Variants in ROBO2 observed in about 807,000 individuals in gnomAD.
ROBO2 encodes roundabout homolog 2.
ROBO2 carries 53 observed loss-of-function variants against 160.8 expected under a neutral mutation model. That is an observed-to-expected ratio of 0.33 (90% CI 0.26 to 0.41). The LOEUF (loss-of-function observed/expected upper bound fraction) is 0.41, where lower values mean the gene tolerates loss of function less well. Among genes scored for constraint, ROBO2 ranks in the 10% least tolerant of loss-of-function variants. The probability of loss-of-function intolerance (pLI) is 1.00; values close to 1 mark genes in which losing one functional copy is unlikely to be tolerated. For missense variants in ROBO2, 1,577 were observed against 1,722.4 expected (o/e 0.92, Z 1.49); for synonymous variants, 664 against 611.7 (o/e 1.09, Z -1.26).
At chr3:77,018,506 A>C (rs2062425180) in intron 2 of ROBO2, among the ~76,000 whole-genome samples, 1 of 152,178 alleles carries the variant, frequency 6.6e-6, no homozygotes, top group Non-Finnish European at 1.5e-5. Context: ...TTTTCACTAC[A>C]AGGCTATATC....
intron 19 of ROBO2, among the ~76,000 whole-genome samples, chr3:77,597,774 AT>A (rs1238350863): frequency 6.6e-6 from 1 of 152,222 alleles, no homozygotes; most frequent in Non-Finnish European, 1.5e-5. Context: ...TAAAAGAGAC[AT>A]TGACCTACTT....
chr3:75,928,027 C>T (rs903579159), intron 1 of ROBO2, among the ~76,000 whole-genome samples: 1 of 140,532 alleles, frequency 7.1e-6, no homozygotes, highest in African/African-American at 2.7e-5. Context: ...CTCTGCCCCC[C>T]AGGCTGGAGT....
chr3:76,071,036 CA>C (rs1485591419), intron 2 of ROBO2, among the ~76,000 whole-genome samples: 1 of 152,032 alleles, frequency 6.6e-6, no homozygotes, highest in Non-Finnish European at 1.5e-5. Flanking sequence ...TAATTTCTAC[CA>C]TCGTGAAAAT....
At chr3:76,785,578 T>C (rs748821932) in intron 2 of ROBO2, among the ~76,000 whole-genome samples, 21 of 151,252 alleles carry the variant, frequency 1.4e-4, no homozygotes, top group Non-Finnish European at 2.4e-4. Context: ...AAAATTAAGT[T>C]AACTTTAAAT....
intron 2 of ROBO2, among the ~76,000 whole-genome samples, chr3:76,641,960 T>A (rs991157167): frequency 2.0e-5 from 3 of 152,124 alleles, no homozygotes; most frequent in Non-Finnish European, 2.9e-5. Flanking sequence ...GCTCAAGTTA[T>A]CCTCCTGCCT....
intron 2 of ROBO2, among the ~76,000 whole-genome samples, chr3:77,185,902 A>G (rs567453509): frequency 6.6e-6 from 1 of 152,110 alleles, no homozygotes; most frequent in South Asian, 2.1e-4. Flanking sequence ...ATTGGAGATT[A>G]TTGTTCTAAG....
chr3:76,060,262 A>G (rs1220770858), intron 2 of ROBO2, among the ~76,000 whole-genome samples: 1 of 151,674 alleles, frequency 6.6e-6, no homozygotes, highest in Non-Finnish European at 1.5e-5. Flanking sequence ...ATATAAATTA[A>G]AAAGCATTTT....
chr3:76,943,986 C>T (rs1400653843), intron 2 of ROBO2, among the ~76,000 whole-genome samples: 1 of 152,044 alleles, frequency 6.6e-6, no homozygotes, highest in Non-Finnish European at 1.5e-5. Flanking sequence ...GTTTATTTTT[C>T]TCTTTAAAAT....
At chr3:76,246,955 A>G (rs1180705586) in intron 2 of ROBO2, among the ~76,000 whole-genome samples, 1 of 152,114 alleles carries the variant, frequency 6.6e-6, no homozygotes, top group Non-Finnish European at 1.5e-5. Flanking sequence ...TTAGTTGTAA[A>G]TTATCAGGCC....
At chr3:77,385,280 C>T (rs1193159259) in intron 2 of ROBO2, among the ~76,000 whole-genome samples, 1 of 152,198 alleles carries the variant, frequency 6.6e-6, no homozygotes, top group Admixed American at 6.5e-5. Context: ...CCGCCCACCT[C>T]GGCTTCCCAA....
intron 2 of ROBO2, among the ~76,000 whole-genome samples, chr3:76,457,015 A>G (rs769948655): frequency 1.3e-5 from 2 of 152,150 alleles, no homozygotes; most frequent in African/African-American, 4.8e-5. Context: ...GGGACATACA[A>G]TTCAAGATGA....
At chr3:77,509,542 A>T (rs2153614560) in intron 5 of ROBO2, among the ~76,000 whole-genome samples, 1 of 152,140 alleles carries the variant, frequency 6.6e-6, no homozygotes, top group East Asian at 1.9e-4. Context: ...GATTGGACAT[A>T]GAGAGAATAT....
chr3:77,080,868 A>G (rs2068581537), intron 1 of ROBO2, among the ~76,000 whole-genome samples: 1 of 152,164 alleles, frequency 6.6e-6, no homozygotes, highest in Non-Finnish European at 1.5e-5. Flanking sequence ...ACTAAAAAGG[A>G]GTGGATATAT....
intron 2 of ROBO2, among the ~76,000 whole-genome samples, chr3:76,811,842 C>A (rs201696195): frequency 2.9e-5 from 1 of 34,812 alleles, no homozygotes; most frequent in Non-Finnish European, 6.3e-5. Flanking sequence ...TCCTTCTTTC[C>A]TTCCTTCCTT....
Position 76,332,926 on chromosome 3 carries a change from A to G in ROBO2, c.109+395324A>G, listed in dbSNP as rs556137572. Among the ~76,000 whole-genome samples the G allele has an allele frequency of 3.3e-5, 5 of 152,314 alleles. No homozygotes were observed. The East Asian group carries it at 7.7e-4, about 24-fold the overall frequency. On this transcript the variant is annotated intron_variant, in intron 2 of 26. Coordinates refer to the ROBO2 transcript ENST00000487694. ...CAACAATTTTTCACCTTCAGTGCAC[A>G]TTCAAATTACTTAGAGGACTTGTTA...
intron 2 of ROBO2, among the ~76,000 whole-genome samples, chr3:76,299,750 A>C (rs140367459): frequency 1.3e-5 from 2 of 152,088 alleles, no homozygotes; most frequent in African/African-American, 4.8e-5. Context: ...GAAGGAGTGA[A>C]AACTGGTTAA....
intron 2 of ROBO2, among the ~76,000 whole-genome samples, chr3:77,373,778 C>A (rs538907158): frequency 2.5e-4 from 38 of 151,822 alleles, no homozygotes; most frequent in Admixed American, 5.9e-4. Context: ...GGGTCATCTC[C>A]CCTACCTTGC....
chr3:77,061,636 A>G (rs927214104), intron 1 of ROBO2, among the ~76,000 whole-genome samples: 8 of 152,228 alleles, frequency 5.3e-5, no homozygotes, highest in Admixed American at 2.0e-4. Context: ...GATTGTTTTT[A>G]GTTTTTTTGA....
intron 2 of ROBO2, 111 bp downstream of exon 2, chr3:77,098,451 T>A: frequency 9.2e-7 from 1 of 1,088,572 alleles, no homozygotes; most frequent in Non-Finnish European, 1.4e-6. Flanking sequence ...ACACACTGCA[T>A]AATTTTACTT....
Sources: gnomAD v4.1 joint callset for allele counts (sites outside exome capture counted in the v4.1 genomes callset) on GRCh38, gnomAD v4.1.1 for gene constraint, MANE v1.5 for transcripts, NCBI Gene and HGNC (gene_info 2026-07-23, HGNC 2026-07-21) for gene names.